ATP6V1D: variants seen among roughly 807,000 people sequenced by gnomAD.
ATP6V1D encodes V-type proton ATPase subunit D.
ATP6V1D carries 20 observed loss-of-function variants against 39.4 expected under a neutral mutation model. The ratio of observed to expected loss-of-function variants is 0.51; its 90% confidence interval spans 0.36 to 0.74. The LOEUF (loss-of-function observed/expected upper bound fraction) is 0.74. Among genes scored for constraint, ATP6V1D ranks in the 30% least tolerant of loss-of-function variants. The probability of loss-of-function intolerance (pLI) is 0.00; values close to 1 mark genes in which losing one functional copy is unlikely to be tolerated. For missense variants in ATP6V1D, 228 were observed against 291.6 expected (o/e 0.78, Z 1.59); for synonymous variants, 100 against 100.5 (o/e 0.99, Z 0.03).
chr14:67,348,371 A>G (rs924554995), intron 4 of ATP6V1D, among the ~76,000 whole-genome samples: 2 of 151,538 alleles, frequency 1.3e-5, no homozygotes, highest in Non-Finnish European at 2.9e-5. Context: ...CACCCGGCCT[A>G]ATTTTTGTAT....
chr14:67,338,547 C>G lies in ATP6V1D; in HGVS notation c.*74G>C. The G allele has an allele frequency of 7.0e-7, 1 of 1,427,610 alleles. No homozygotes were observed. Among genetic ancestry groups the G allele is most frequent in the Non-Finnish European group, 9.3e-7 (1 of 1,074,126 alleles). The allele number at this position is 1,427,610 out of a possible 1,614,324, so 88.4% of individuals were successfully genotyped here. ...TTAGGCCAAAAAATAAATAGCCACA[C>G]AAATCAAACCTACACACTGTGAATT... is the stretch of plus-strand genomic sequence containing the variant. On this transcript the variant is annotated 3_prime_UTR_variant, in exon 9 of 9. Transcript: ENST00000216442.
At chr14:67,339,464 C>G (rs188117191) in intron 8 of ATP6V1D, among the ~76,000 whole-genome samples, 12 of 152,232 alleles carry the variant, frequency 7.9e-5, no homozygotes, top group African/African-American at 2.9e-4. Flanking sequence ...GATGCTAACT[C>G]CAGGTCTAAG....
In ATP6V1D at chr14:67,359,803, G is replaced by A; in HGVS notation, c.-105C>T. The A allele has an allele frequency of 1.5e-6, 2 of 1,342,906 alleles. No individual in the cohort carries two copies. Among genetic ancestry groups the A allele is most frequent in the Non-Finnish European group, 2.1e-6 (2 of 953,220 alleles). The allele number at this position is 1,342,906 out of a possible 1,614,324, so 83.2% of individuals were successfully genotyped here. On this transcript the variant is annotated 5_prime_UTR_variant, in exon 1 of 9. Transcript: ENST00000216442. ...CTTCCTCTACGGGAGTCAGCTGGTT[G>A]TGTCACTTGACCCCTCTTGTTGCTA...
intron 7 of ATP6V1D, among the ~76,000 whole-genome samples, chr14:67,342,198 AAAT>A (rs2085589313): frequency 2.1e-4 from 32 of 149,304 alleles, no homozygotes; most frequent in Admixed American, 1.3e-4. Flanking sequence ...ATAAATAAAT[AAAT>A]AAATAAATAA....
intron 4 of ATP6V1D, 44 bp from the exon 5 acceptor site, chr14:67,347,497 T>TCG: frequency 7.5e-7 from 1 of 1,333,628 alleles, no homozygotes; most frequent in Non-Finnish European, 9.9e-7. Flanking sequence ...ACCTTTAAGT[T>TCG]CTCTCTTTTT....
At position 67,338,427 on chromosome 14, in the gene ATP6V1D, C is replaced by A. The variant is rs143561979; in HGVS notation, c.*194G>T. The A allele has an allele frequency of 5.2e-6, 3 of 573,556 alleles. No homozygotes were observed. Among genetic ancestry groups the A allele is most frequent in the Non-Finnish European group, 8.8e-6 (3 of 342,182 alleles). 35.5% of individuals were successfully genotyped at this position (573,556 alleles called of 1,614,324 possible). On this transcript the variant is annotated 3_prime_UTR_variant, in exon 9 of 9. Coordinates refer to ENST00000216442, the MANE Select transcript of ATP6V1D (RefSeq NM_015994.4). ...AAGTTCCTGGGCAGGTTTTACAGAT[C>A]TCTTTCATCCATGATAAATGGTTGC... is the stretch of plus-strand genomic sequence containing the variant.
chr14:67,354,855 C>A (rs1011171284), intron 1 of ATP6V1D, among the ~76,000 whole-genome samples: 1 of 152,124 alleles, frequency 6.6e-6, no homozygotes, highest in Non-Finnish European at 1.5e-5. Context: ...CTCTTGTTGC[C>A]CAGGCTAGAG....
At chr14:67,338,817 A>G (rs528788481) in intron 8 of ATP6V1D, 55 bp from the exon 9 acceptor site, 287 of 1,490,518 alleles carry the variant, frequency 1.9e-4, no homozygotes, top group Non-Finnish European at 2.5e-4. Context: ...TATTAAGTAG[A>G]TTTGATTTCT....
Position 67,338,492 on chromosome 14 carries a change from T to A in ATP6V1D, c.*129A>T. 1 of 987,860 alleles carries A rather than the reference T, an allele frequency of 1.0e-6. No individual in the cohort carries two copies. The highest frequency in any genetic ancestry group is 1.5e-6 in the Non-Finnish European group (1 of 677,944). The allele number at this position is 987,860 out of a possible 1,614,324, so 61.2% of individuals were successfully genotyped here. On this transcript the variant is annotated 3_prime_UTR_variant, in exon 9 of 9. Transcript: ENST00000216442. ...GCAAAAGTAATCCCATAAATAGACA[T>A]CTAGGTAAATTTTACAACCAGTGAA...
intron 8 of ATP6V1D, among the ~76,000 whole-genome samples, chr14:67,339,303 C>G (rs757700510): frequency 1.3e-5 from 2 of 151,902 alleles, no homozygotes; most frequent in African/African-American, 4.8e-5. Flanking sequence ...AGCCTAGAAG[C>G]CTTTATTAGG....
At chr14:67,359,579 A>G in intron 1 of ATP6V1D, 79 bp downstream of exon 1, 1 of 1,503,642 alleles carries the variant, frequency 6.7e-7, no homozygotes, top group Non-Finnish European at 9.2e-7. Context: ...AAGGACCCTC[A>G]CTGTGGCCCA....
Position 67,338,755 on chromosome 14 carries a change from T to C in ATP6V1D, c.610A>G (p.Lys204Glu). ...AGAATCTTTTTCTTCTCTTGTATTT[T>C]CTTTAACCTGTAAAATACAGGTGGG... Reference protein sequence around the residue: ...REREEFYRLKKIQEKKKILKE... With the variant: ...REREEFYRLKEIQEKKKILKE... The change falls in exon 9 of 9, where the codon AAA (lysine) becomes GAA (glutamate). Residue 204 changes from lysine to glutamate, a missense_variant. Around this residue, in one of 3 missense-constraint regions of ATP6V1D, gnomAD observed 114 missense variants for 128.3 expected, o/e 0.89. Coordinates refer to ENST00000216442, the MANE Select transcript of ATP6V1D (RefSeq NM_015994.4). 6.2e-7 allele frequency: 1 copy of C among 1,611,734 alleles called. No homozygotes were observed.
intron 4 of ATP6V1D, 85 bp from the exon 5 acceptor site, chr14:67,347,538 G>A: frequency 3.4e-6 from 4 of 1,193,156 alleles, no homozygotes; most frequent in Non-Finnish European, 3.5e-6. Flanking sequence ...TTTTGCTCTT[G>A]TCGCCGAGGC....
chr14:67,353,008 C>G lies in ATP6V1D; in HGVS notation c.74G>C (p.Gly25Ala). ...AQTIMKARLK[G>A]AQTGRNLLKK... ...CAGGAGGTTTCGACCTGTCTGTGCT[C>G]CCTTTAAACGAGCCTTCATGATGGT... The change falls in exon 2 of 9, where the codon GGA (glycine) becomes GCA (alanine). Residue 25 changes from glycine to alanine, a missense_variant. This residue lies in a region of ATP6V1D where 104 missense variants were observed against 120.2 expected (regional missense o/e 0.87). Coordinates refer to ENST00000216442, the MANE Select transcript of ATP6V1D (RefSeq NM_015994.4). 1 of 1,613,946 alleles carries G rather than the reference C, an allele frequency of 6.2e-7. No individual in the cohort carries two copies. Among genetic ancestry groups the G allele is most frequent in the Non-Finnish European group, 8.5e-7 (1 of 1,179,938 alleles).
In ATP6V1D at chr14:67,350,660, C is replaced by G; in HGVS notation, c.190G>C (p.Glu64Gln). The G allele has an allele frequency of 6.2e-7, 1 of 1,613,656 alleles. No individual in the cohort carries two copies. ...GCTTCAGCTAGTGAAAAGGCAGCTT[C>G]TCTCATCACTTCGCCCATCAACATT... The part of the protein sequence containing the change: ...TKMLMGEVMR[E>Q]AAFSLAEAKF... Residue 64 changes from glutamate (E) to glutamine (Q), a missense_variant, in exon 3 of 9, where the codon GAA (glutamate) becomes CAA (glutamine). Glu to Gln is a conservative substitution (Grantham distance 29). Coordinates refer to ENST00000216442, the MANE Select transcript of ATP6V1D (RefSeq NM_015994.4).
At chr14:67,340,581 G>A in intron 7 of ATP6V1D, 63 bp from the exon 8 acceptor site, 2 of 1,326,398 alleles carry the variant, frequency 1.5e-6, no homozygotes, top group Non-Finnish European at 2.2e-6. Context: ...AATTATCAGT[G>A]CTCATTTGTA....
chr14:67,355,393 T>C (rs1024853124), intron 1 of ATP6V1D, among the ~76,000 whole-genome samples: 1 of 122,612 alleles, frequency 8.2e-6, no homozygotes, highest in Non-Finnish European at 1.6e-5. Context: ...CCAGATACAA[T>C]TTAATAATGA....
chr14:67,350,820 G>A (rs13379087), intron 2 of ATP6V1D, 130 bp from the exon 3 acceptor site: 19,074 of 836,276 alleles, frequency 0.023, 642 homozygotes, highest in African/African-American at 0.12. Context: ...GTTTGATAAC[G>A]ACAAACAGAA....
chr14:67,339,204 G>A (rs2141088430), intron 8 of ATP6V1D, among the ~76,000 whole-genome samples: 1 of 152,026 alleles, frequency 6.6e-6, no homozygotes, highest in East Asian at 1.9e-4. Context: ...TCACCATCTT[G>A]GCCAGGCTGG....
Sources: gnomAD v4.1 joint callset for allele counts (sites outside exome capture counted in the v4.1 genomes callset) on GRCh38, gnomAD v4.1.1 for gene constraint, gnomAD v4.1.1 regional missense constraint, MANE v1.5 for transcripts, NCBI Gene and HGNC (gene_info 2026-07-23, HGNC 2026-07-21) for gene names.